The following FLG variants were observed in gnomAD, a reference collection of about 807,000 sequenced individuals.
FLG encodes filaggrin, also known as epidermal filaggrin.
A neutral mutation model predicts 3.8 loss-of-function variants in FLG; 6 were observed. The observed-to-expected ratio is 1.60, with a 90% CI of 0.87 to 3.15. The LOEUF is 3.15. FLG is among the 30% of genes most tolerant of loss of function. The pLI is 0.00. For synonymous variants in FLG, 2,551 were observed against 1,931.6 expected (o/e 1.32, Z -8.41); for missense variants, 7,595 against 5,050.9 (o/e 1.50, Z -15.27).
Position 152,310,959 on chromosome 1 carries a change from A to G in FLG, c.3927T>C (p.Pro1309=), listed in dbSNP as rs772787336. The G allele has an allele frequency of 4.3e-5, 69 of 1,613,718 alleles. No individual in the cohort carries two copies. The South Asian group carries it at 5.9e-4, about 14-fold the overall frequency. The change falls in exon 3 of 3, where the codon CCT becomes CCC. Residue 1309 remains proline (P), a synonymous_variant. Coordinates refer to ENST00000368799, the MANE Select transcript of FLG (RefSeq NM_002016.2). ...TGGCTCTGTCTTCTTGATGGAACCC[A>G]GGGTGTCTGGAGCCATCTCTTGACT... ...REQSRDGSRH[P]GFHQEDRASH... is the part of the protein sequence containing the mutation.
chr1:152,317,716 C>T (rs987697311), intron 1 of FLG, among the ~76,000 whole-genome samples: 1 of 152,010 alleles, frequency 6.6e-6, no homozygotes, highest in African/African-American at 2.4e-5. Flanking sequence ...GTTTATACCC[C>T]CAGTCACTGA....
chr1:152,311,424 C>A lies in FLG; in HGVS notation c.3462G>T (p.Arg1154Ser). Residue 1154 changes from arginine to serine, a missense_variant, in exon 3 of 3, where the codon AGG becomes AGT. Arg to Ser is a moderately radical substitution (Grantham distance 110). Coordinates refer to ENST00000368799, the MANE Select transcript of FLG (RefSeq NM_002016.2). ...CCTGACCCTCTTGGGACGCTGAGTG[C>A]CTGGAGCTGTCTCGTGCCTGCTCGT... ...SHHEQARDSS[R>S]HSASQEGQDT... 2.5e-6 allele frequency: 4 copies of A among 1,613,840 alleles called. No homozygotes were observed. The highest frequency in any genetic ancestry group is 3.4e-6 in the Non-Finnish European group (4 of 1,179,954).
rs12081093 is a variant in FLG at position 152,307,258 on chromosome 1, C to A, written c.7628G>T (p.Ser2543Ile). ...CTGGCCCACCTGCGAGTGTCCAGAGCTGTCGGCCCGAGAGGAAGCTTCATG... is the reference window on the plus strand; with the variant it reads ...CTGGCCCACCTGCGAGTGTCCAGAGATGTCGGCCCGAGAGGAAGCTTCATG... The part of the protein sequence containing the change: ...RHHEASSRAD[S>I]SGHSQVGQGQ... The change falls in exon 3 of 3, where the codon AGC becomes ATC. Residue 2543 changes from serine (S) to isoleucine (I), a missense_variant. By Grantham distance (142) the Ser-to-Ile change is moderately radical. Coordinates refer to ENST00000368799, the MANE Select transcript of FLG (RefSeq NM_002016.2). 53 of 1,608,688 alleles carry A rather than the reference C, an allele frequency of 3.3e-5. No homozygotes were observed. Among genetic ancestry groups the A allele is most frequent in the South Asian group, 6.6e-5 (6 of 91,034 alleles).
In FLG at chr1:152,309,824, A is replaced by C. The variant is rs775745183; in HGVS notation, c.5062T>G (p.Ser1688Ala). Residue 1688 changes from serine (S) to alanine (A), a missense_variant, in exon 3 of 3, where the codon TCA becomes GCA. Coordinates refer to ENST00000368799, the MANE Select transcript of FLG (RefSeq NM_002016.2). ...CCTGAGTCTGTGGAGCTGTCTGCTG[A>C]CTGCTGGTGGCGGGATCCATGTCTT... ...GERHGSRHQQ[S>A]ADSSTDSGTG... 3 of 1,613,456 alleles carry C rather than the reference A, an allele frequency of 1.9e-6. No individual in the cohort carries two copies. The highest frequency in any genetic ancestry group is 1.7e-5 in the Admixed American group (1 of 59,974).
chr1:152,309,092 C>T lies in FLG; in HGVS notation c.5794G>A (p.Glu1932Lys), dbSNP rs1652200083. The change falls in exon 3 of 3, where the codon GAG becomes AAG. Residue 1932 changes from glutamate (E) to lysine (K), a missense_variant. Transcript: ENST00000368799. Reference sequence around the variant, plus strand: ...CTGGAAGCAGACCCAGACCACCTCTCAGAGTCTTCTGAGTGTCCCTGACTG... The same window carrying T: ...CTGGAAGCAGACCCAGACCACCTCTTAGAGTCTTCTGAGTGTCCCTGACTG... ...SDSQGHSEDS[E>K]RWSGSASRNH... 2.5e-6 allele frequency: 4 copies of T among 1,614,044 alleles called. No individual in the cohort carries two copies. The highest frequency in any genetic ancestry group is 1.3e-5 in the African/African-American group (1 of 74,934).
chr1:152,312,606 CTG>C lies in FLG; in HGVS notation c.2278_2279del (p.Gln760ValfsTer21). On this transcript the variant is annotated frameshift_variant, in exon 3 of 3. Transcript: ENST00000368799. LOFTEE classifies it low-confidence loss of function (END_TRUNC). ...SEGHSEDSDTQSVSGHGQAGH... is the reference protein window; with the variant it reads ...SEGHSEDSDTXSVSGHGQAGH... ...CAGCCTGTCCATGGCCTGACACTGA[CTG>C]TGTGTCTGAGTCTTCTGAATGTCCC... The C allele has an allele frequency of 6.2e-7, 1 of 1,613,072 alleles. No individual in the cohort carries two copies. The highest frequency in any genetic ancestry group is 8.5e-7 in the Non-Finnish European group (1 of 1,179,394).
rs919533300 is a variant in FLG, at chr1:152,302,688, G to A, written c.*12C>T. ...CTTCTATTCTTGGATTAATTCCTTTGCCATTAATTTCTTACTCATAGTAAT... is the reference window on the plus strand; with the variant it reads ...CTTCTATTCTTGGATTAATTCCTTTACCATTAATTTCTTACTCATAGTAAT... On this transcript the variant is annotated 3_prime_UTR_variant, in exon 3 of 3. Coordinates refer to ENST00000368799, the MANE Select transcript of FLG (RefSeq NM_002016.2). 1.9e-5 allele frequency: 31 copies of A among 1,612,708 alleles called. No homozygotes were observed. The highest frequency in any genetic ancestry group is 2.4e-5 in the Non-Finnish European group (28 of 1,179,262).
Position 152,304,176 on chromosome 1 carries a change from C to T in FLG, c.10710G>A (p.Gln3570=). The change falls in exon 3 of 3, where the codon CAG becomes CAA. Residue 3570 remains glutamine (Q), a synonymous_variant. Coordinates refer to ENST00000368799, the MANE Select transcript of FLG (RefSeq NM_002016.2). ...SRNHRGSAQE[Q]SRDGSRHPTS... ...TGGGGTGTCTGGAGCCATCTCTTGA[C>T]TGCTCCTGAGCAGATCCACGATGGT... 8 of 1,607,718 alleles carry T rather than the reference C, an allele frequency of 5.0e-6. No homozygotes were observed. The highest frequency in any genetic ancestry group is 5.9e-6 in the Non-Finnish European group (7 of 1,179,102).
At position 152,314,357 on chromosome 1, in the gene FLG, G is replaced by A; in HGVS notation, c.529C>T (p.His177Tyr). 4 of 1,611,214 alleles carry A rather than the reference G, an allele frequency of 2.5e-6. No homozygotes were observed. The South Asian group carries it at 3.3e-5, about 13-fold the overall frequency. ...TTCTCTTTTTTACTTGAGTTATGAT[G>A]GTTTTTTCCATATTCTTCTTCTCTA... is the stretch of plus-strand genomic sequence containing the variant. ...THREEEYGKN[H>Y]HNSSKKEKNK... The change falls in exon 3 of 3, where the codon CAT (histidine) becomes TAT (tyrosine). Residue 177 changes from histidine (H) to tyrosine (Y), a missense_variant. His to Tyr is a moderately conservative substitution (Grantham distance 83, BLOSUM62 2). Transcript: ENST00000368799.
chr1:152,307,246 G>T lies in FLG; in HGVS notation c.7640C>A (p.Ser2547Ter), dbSNP rs369029216. ...CTCTGATTGTCCCTGGCCCACCTGC[G>T]AGTGTCCAGAGCTGTCGGCCCGAGA... ...ASSRADSSGH[S>*]QVGQGQSEGP... Residue 2547 changes from serine (S) to a stop codon, truncating the protein, a stop_gained, in exon 3 of 3, where the codon TCG becomes TAG. Coordinates refer to ENST00000368799, the MANE Select transcript of FLG (RefSeq NM_002016.2). LOFTEE classifies it low-confidence loss of function (END_TRUNC). The T allele has an allele frequency of 1.2e-6, 2 of 1,612,872 alleles. No homozygotes were observed. The highest frequency in any genetic ancestry group is 1.7e-6 in the Non-Finnish European group (2 of 1,179,978).
rs200639874 is a variant in FLG at position 152,314,522 on chromosome 1, T to G, written c.364A>C (p.Arg122=). ...DNKQEENKEN[R]KRPSSLERRN... The stretch of plus-strand genomic sequence containing the variant: ...CTTTCCAGACTTGAGGGTCTTTTTC[T>G]GTTTTCTTTGTTTTCTTCCTGTTTA... The change falls in exon 3 of 3, where the codon AGA becomes CGA. Residue 122 remains arginine, a synonymous_variant. Coordinates refer to ENST00000368799, the MANE Select transcript of FLG (RefSeq NM_002016.2). The G allele has an allele frequency of 2.8e-4, 458 of 1,613,928 alleles. No individual in the cohort carries two copies. Among genetic ancestry groups the G allele is most frequent in the Admixed American group, 1.3e-3 (78 of 60,026 alleles).
chr1:152,316,375 A>G (rs1381879216), intron 1 of FLG, among the ~76,000 whole-genome samples: 1 of 152,086 alleles, frequency 6.6e-6, no homozygotes, highest in African/African-American at 2.4e-5. Context: ...TTTCTAAACC[A>G]TTAGAGATGA....
In FLG at chr1:152,308,990, C is replaced by A. The variant is rs111661820; in HGVS notation, c.5896G>T (p.Gly1966Cys). ...HPGSHHEDRA[G>C]HGHSADSSRQ... ...GAGCTGTCTGCAGAGTGCCCGTGAC[C>A]GGCTCTGTCTTCGTGATGGGACCCA... is the stretch of plus-strand genomic sequence containing the variant. The change falls in exon 3 of 3, where the codon GGT (glycine) becomes TGT (cysteine). Residue 1966 changes from glycine (G) to cysteine (C), a missense_variant. Physicochemically the swap from Gly to Cys is radical, Grantham distance 159. Transcript: ENST00000368799. 3.1e-6 allele frequency: 5 copies of A among 1,613,722 alleles called. No individual in the cohort carries two copies. The highest frequency in any genetic ancestry group is 2.2e-5 in the East Asian group (1 of 44,892).
chr1:152,303,795 A>G lies in FLG; in HGVS notation c.11091T>C (p.Arg3697=), dbSNP rs1241041217. Residue 3697 remains arginine (R), a synonymous_variant, in exon 3 of 3, where the codon CGT becomes CGC. Coordinates refer to ENST00000368799, the MANE Select transcript of FLG (RefSeq NM_002016.2). ...GTCCAGACCTTCCTGCTGACCGGCC[A>G]CGTGTGGACTCTTGGTGGCTCTGCT... The part of the protein sequence containing the change: ...PHQQSHQEST[R]GRSAGRSGRS... 15 of 1,613,052 alleles carry G rather than the reference A, an allele frequency of 9.3e-6. No homozygotes were observed. Among genetic ancestry groups the G allele is most frequent in the Non-Finnish European group, 1.1e-5 (13 of 1,179,738 alleles).
rs1003637226 is a variant in FLG at position 152,304,613 on chromosome 1, A to G, written c.10273T>C (p.Ser3425Pro). The change falls in exon 3 of 3, where the codon TCA becomes CCA. Residue 3425 changes from serine (S) to proline (P), a missense_variant. Ser to Pro is a moderately conservative substitution (Grantham distance 74). Coordinates refer to ENST00000368799, the MANE Select transcript of FLG (RefSeq NM_002016.2). ...HEQARDSSRH[S>P]ASQEGQDTIR... ...GTGTCCTGACCCTCTTGGGACGCTG[A>G]GTGCCTGGAGCTGTCTCGTGCCTGC... The G allele has an allele frequency of 5.6e-6, 9 of 1,610,588 alleles. No homozygotes were observed. In the African/African-American group the frequency reaches 1.2e-4, roughly 22 times the overall value.
rs545327919 is a variant in FLG, at chr1:152,307,090, A to G, written c.7796T>C (p.Leu2599Pro). 3.0e-5 allele frequency: 48 copies of G among 1,609,926 alleles called. No individual in the cohort carries two copies. In the East Asian group the frequency reaches 7.4e-4, roughly 25 times the overall value. The change falls in exon 3 of 3, where the codon CTA (leucine) becomes CCA (proline). Residue 2599 changes from leucine (L) to proline (P), a missense_variant. Physicochemically the swap from Leu to Pro is moderately conservative, Grantham distance 98. Transcript: ENST00000368799. ...CCTGGGGTGTCTGGAGCCATCTCTTAGCTGCTCCTGAGCAGATCCATGATG... is the reference window on the plus strand; with the variant it reads ...CCTGGGGTGTCTGGAGCCATCTCTTGGCTGCTCCTGAGCAGATCCATGATG... ...RNHHGSAQEQ[L>P]RDGSRHPRSH...
rs772972657 is a variant in FLG, at chr1:152,308,645, C to T, written c.6241G>A (p.Gly2081Arg). The T allele has an allele frequency of 6.2e-6, 10 of 1,614,046 alleles. No homozygotes were observed. The African/African-American group carries it at 1.1e-4, about 17-fold the overall frequency. The stretch of plus-strand genomic sequence containing the variant: ...GACCCTGAACGTCCAGAGCTTTCCC[C>T]TGACTGGCCACGTGCGGACTCTTTG... Reference protein sequence around the residue: ...SHKESARGQSGESSGRSGSFL... With the variant: ...SHKESARGQSRESSGRSGSFL... The change falls in exon 3 of 3, where the codon GGG (glycine) becomes AGG (arginine). Residue 2081 changes from glycine (G) to arginine (R), a missense_variant. Transcript: ENST00000368799.
rs1293283822 is a variant in FLG, at chr1:152,305,211, T to A, written c.9675A>T (p.Ser3225=). Residue 3225 remains serine (S), a synonymous_variant, in exon 3 of 3, where the codon TCA becomes TCT. Coordinates refer to ENST00000368799, the MANE Select transcript of FLG (RefSeq NM_002016.2). ...ACCCAGACCACCTCTCAGAGTCTTCTGAATGTCCCTCACTGTCACTGTCCT... is the reference window on the plus strand; with the variant it reads ...ACCCAGACCACCTCTCAGAGTCTTCAGAATGTCCCTCACTGTCACTGTCCT... ...VSQDSDSEGH[S]EDSERWSGSA... is the part of the protein sequence containing the mutation. 1 of 1,613,474 alleles carries A rather than the reference T, an allele frequency of 6.2e-7. No homozygotes were observed. The highest frequency in any genetic ancestry group is 8.5e-7 in the Non-Finnish European group (1 of 1,179,886).
chr1:152,318,369 T>C (rs771806001), intron 1 of FLG, among the ~76,000 whole-genome samples: 1 of 151,980 alleles, frequency 6.6e-6, no homozygotes, highest in Non-Finnish European at 1.5e-5. Flanking sequence ...TCATCTTACT[T>C]AATCTCTTGG....
Sources: allele counts gnomAD v4.1 joint callset (sites outside exome capture counted in the v4.1 genomes callset), GRCh38; gene constraint gnomAD v4.1.1; transcripts MANE v1.5; gene names NCBI Gene and HGNC (gene_info 2026-07-23, HGNC 2026-07-21).